The following PAQR5 variants were observed in gnomAD, a reference collection of about 807,000 sequenced individuals.
PAQR5 encodes the protein membrane progestin receptor gamma.
A neutral mutation model predicts 34.5 loss-of-function variants in PAQR5; 20 were observed. The ratio of observed to expected loss-of-function variants is 0.58; its 90% CI spans 0.41 to 0.84. The LOEUF is 0.84. Ranked by LOEUF, PAQR5 falls within the 40% of genes least tolerant of loss-of-function variation. PAQR5 has a pLI of 0.00. For synonymous variants in PAQR5, 131 were observed against 155.6 expected, an observed-to-expected ratio of 0.84 and a Z score of 1.18; for missense variants, 378 against 412.7, an observed-to-expected ratio of 0.92 and a Z score of 0.73.
chr15:69,367,882 G>A (rs1397804208), intron 3 of PAQR5, among the ~76,000 whole-genome samples: 2 of 152,170 alleles, frequency 1.3e-5, no homozygotes, highest in African/African-American at 4.8e-5. Context: ...TCCCAAATGG[G>A]AAAAGGAGGC....
chr15:69,336,029 A>G (rs371563145), intron 1 of PAQR5, among the ~76,000 whole-genome samples: 16 of 152,180 alleles, frequency 1.1e-4, no homozygotes, highest in African/African-American at 3.6e-4. Context: ...AAGTGGCAGG[A>G]AAAAAAAGGA....
At chr15:69,362,901 C>A (rs2055278252) in intron 3 of PAQR5, among the ~76,000 whole-genome samples, 1 of 152,158 alleles carries the variant, frequency 6.6e-6, no homozygotes, top group African/African-American at 2.4e-5. Context: ...CATCCACAGA[C>A]CCTCTTCTCT....
intron 8 of PAQR5, among the ~76,000 whole-genome samples, chr15:69,403,115 T>A (rs970159317): frequency 5.3e-5 from 8 of 152,250 alleles, no homozygotes; most frequent in African/African-American, 1.9e-4. Context: ...TCTCAAGAGA[T>A]GAACTTTGGT....
chr15:69,399,765 A>T (rs537217337), intron 7 of PAQR5, among the ~76,000 whole-genome samples: 2 of 152,240 alleles, frequency 1.3e-5, no homozygotes, highest in African/African-American at 2.4e-5. Context: ...CACACTCAGG[A>T]TAGGAGCTCT....
At chr15:69,359,878 A>C in intron 2 of PAQR5, 88 bp from the exon 3 acceptor site, 2 of 560,396 alleles carry the variant, frequency 3.6e-6, no homozygotes, top group Non-Finnish European at 6.4e-6. Context: ...TAGCAAGTAT[A>C]TGTTCAATAG....
intron 2 of PAQR5, among the ~76,000 whole-genome samples, chr15:69,340,614 G>A (rs1259330402): frequency 6.6e-6 from 1 of 152,190 alleles, no homozygotes; most frequent in Non-Finnish European, 1.5e-5. Context: ...TCCCTGCCCT[G>A]TGAGTTGGCC....
intron 1 of PAQR5, among the ~76,000 whole-genome samples, chr15:69,308,826 G>T (rs532594752): frequency 1.3e-5 from 2 of 152,146 alleles, no homozygotes; most frequent in South Asian, 4.2e-4. Context: ...ACCTGGTGTA[G>T]CTTCCTCACT....
At chr15:69,388,968 TG>T (rs1247242479) in intron 5 of PAQR5, among the ~76,000 whole-genome samples, 1 of 152,230 alleles carries the variant, frequency 6.6e-6, no homozygotes, top group Non-Finnish European at 1.5e-5. Flanking sequence ...TGATCTCCCC[TG>T]CTCTTCCAAA....
intron 1 of PAQR5, among the ~76,000 whole-genome samples, chr15:69,332,779 T>TAAAAA (rs56280711): frequency 6.7e-5 from 4 of 59,794 alleles, no homozygotes; most frequent in African/African-American, 2.1e-4. Flanking sequence ...CTAAATCTTG[T>TAAAAA]AAAAAAAAAA....
chr15:69,336,112 C>A (rs757431443), intron 1 of PAQR5, among the ~76,000 whole-genome samples: 57 of 152,174 alleles, frequency 3.7e-4, no homozygotes, highest in Non-Finnish European at 8.8e-5. Context: ...AAAGCTAAGT[C>A]TCCTCTATCA....
At chr15:69,391,714 G>T (rs1286344598) in intron 6 of PAQR5, 8 of 455,866 alleles carry the variant, frequency 1.8e-5, no homozygotes, top group Non-Finnish European at 3.5e-5. Flanking sequence ...AGTACCACAG[G>T]TTGAGGGGGC....
intron 2 of PAQR5, among the ~76,000 whole-genome samples, chr15:69,350,619 G>A (rs907718030): frequency 2.0e-5 from 3 of 151,610 alleles, no homozygotes; most frequent in African/African-American, 7.3e-5. Context: ...CTCCAGCCTG[G>A]GCAACAGAGT....
At chr15:69,358,147 C>G (rs1187327570) in intron 2 of PAQR5, among the ~76,000 whole-genome samples, 1 of 151,970 alleles carries the variant, frequency 6.6e-6, no homozygotes, top group East Asian at 1.9e-4. Context: ...GGTAAATTCC[C>G]AACTCTGCTC....
At chr15:69,400,353 G>C (rs1379830598) in intron 8 of PAQR5, among the ~76,000 whole-genome samples, 1 of 152,218 alleles carries the variant, frequency 6.6e-6, no homozygotes, top group East Asian at 1.9e-4. Context: ...ATGGGGTATG[G>C]AGCCAGTGTG....
At chr15:69,345,935 T>C (rs2054757654) in intron 2 of PAQR5, among the ~76,000 whole-genome samples, 1 of 152,186 alleles carries the variant, frequency 6.6e-6, no homozygotes, top group African/African-American at 2.4e-5. Context: ...CATAGACCCT[T>C]TCTTTAAAAA....
At chr15:69,311,080 G>A (rs990152314) in intron 1 of PAQR5, among the ~76,000 whole-genome samples, 15 of 144,282 alleles carry the variant, frequency 1.0e-4, no homozygotes, top group Admixed American at 2.1e-4. Context: ...AATGAGTGTT[G>A]ATGGAAGAGA....
chr15:69,347,930 A>G (rs1595881042), intron 2 of PAQR5, among the ~76,000 whole-genome samples: 1 of 152,326 alleles, frequency 6.6e-6, no homozygotes, highest in East Asian at 1.9e-4. Context: ...TTTTAGGGTG[A>G]CACAAACATT....
chr15:69,337,618 G>A (rs2054540977), intron 2 of PAQR5, 117 bp downstream of exon 2: 1 of 152,254 alleles, frequency 6.6e-6, no homozygotes, highest in Non-Finnish European at 1.5e-5. Context: ...CCATGGCTGG[G>A]CTCAGCTTTT....
chr15:69,326,301 G>A (rs2054249595), intron 1 of PAQR5, among the ~76,000 whole-genome samples: 1 of 152,184 alleles, frequency 6.6e-6, no homozygotes, highest in Admixed American at 6.5e-5. Flanking sequence ...CTAAGGGTGA[G>A]TATCCATGTG....
Sources: gnomAD v4.1 joint callset for allele counts (sites outside exome capture counted in the v4.1 genomes callset) on GRCh38, gnomAD v4.1.1 for gene constraint, MANE v1.5 for transcripts, NCBI Gene and HGNC (gene_info 2026-07-23, HGNC 2026-07-21) for gene names.